The following MAF variants were observed in gnomAD, a reference collection of about 807,000 sequenced individuals.
MAF encodes the protein transcription factor Maf.
MAF carries 10 observed loss-of-function variants against 22.0 expected under a neutral mutation model. That is an observed-to-expected ratio of 0.45 (90% CI 0.28 to 0.77). The LOEUF (loss-of-function observed/expected upper bound fraction) is 0.77. Among genes scored for constraint, MAF ranks in the 30% least tolerant of loss-of-function variants. The pLI is 0.12. For synonymous variants in MAF, 337 were observed against 255.8 expected, an observed-to-expected ratio of 1.32 and a Z score of -3.03; for missense variants, 544 against 548.4, an observed-to-expected ratio of 0.99 and a Z score of 0.08.
At chr16:79,499,653 G>C in the MAF span, among the ~76,000 whole-genome samples, 1 of 152,186 alleles carries the variant, frequency 6.6e-6, no homozygotes, top group African/African-American at 2.4e-5. Context: ...GACACAGGTA[G>C]AAGGCACCAT....
At chr16:79,371,169 G>C in the MAF span, among the ~76,000 whole-genome samples, 1 of 152,162 alleles carries the variant, frequency 6.6e-6, no homozygotes, top group African/African-American at 2.4e-5. Context: ...TGCCTGGAGG[G>C]CTGGGCCCTG....
At chr16:79,396,211 G>C in the MAF span, among the ~76,000 whole-genome samples, 1 of 152,166 alleles carries the variant, frequency 6.6e-6, no homozygotes, top group South Asian at 2.1e-4. Flanking sequence ...GGTGCCAGGA[G>C]GCCACACTAC....
At chr16:79,567,121 C>G in the MAF span, among the ~76,000 whole-genome samples, 3 of 152,170 alleles carry the variant, frequency 2.0e-5, no homozygotes, top group Admixed American at 6.5e-5. Context: ...AGTTCGAGAC[C>G]AGCCTGGCCA....
At chr16:79,545,351 GC>G in the MAF span, among the ~76,000 whole-genome samples, 3 of 152,050 alleles carry the variant, frequency 2.0e-5, no homozygotes, top group Non-Finnish European at 2.9e-5. Context: ...AACTGAGGGG[GC>G]CCATGCAAAA....
At chr16:79,375,583 T>C in the MAF span, among the ~76,000 whole-genome samples, 1 of 152,058 alleles carries the variant, frequency 6.6e-6, no homozygotes, top group Non-Finnish European at 1.5e-5. Context: ...ATGATGATGA[T>C]ATATTAATGA....
At chr16:79,499,121 T>C in the MAF span, among the ~76,000 whole-genome samples, 1 of 152,194 alleles carries the variant, frequency 6.6e-6, no homozygotes, top group South Asian at 2.1e-4. Flanking sequence ...CAACTTGCAA[T>C]CTCCATTGTA....
At chr16:79,492,466 T>A in the MAF span, among the ~76,000 whole-genome samples, 2 of 138,880 alleles carry the variant, frequency 1.4e-5, no homozygotes, top group African/African-American at 5.0e-5. Flanking sequence ...AGCCCATTTG[T>A]TCTATATATA....
the MAF span, among the ~76,000 whole-genome samples, chr16:79,443,500 C>A: frequency 1.3e-5 from 2 of 152,096 alleles, no homozygotes; most frequent in African/African-American, 2.4e-5. Flanking sequence ...GGATAAGGAA[C>A]TTCTTACATT....
the MAF span, among the ~76,000 whole-genome samples, chr16:79,305,797 G>A: frequency 1.3e-5 from 2 of 152,156 alleles, no homozygotes; most frequent in East Asian, 3.8e-4. Flanking sequence ...TGGAAAAGGA[G>A]GCTTACGAAA....
the MAF span, among the ~76,000 whole-genome samples, chr16:79,485,806 C>A: frequency 6.6e-6 from 1 of 152,104 alleles, no homozygotes; most frequent in Non-Finnish European, 1.5e-5. Flanking sequence ...TCTTGCCAAA[C>A]AGAAGTAAGC....
At chr16:79,365,629 A>C in the MAF span, among the ~76,000 whole-genome samples, 1 of 152,076 alleles carries the variant, frequency 6.6e-6, no homozygotes, top group Non-Finnish European at 1.5e-5. Flanking sequence ...ACCTGGTCTC[A>C]ACAGGGCTCA....
the MAF span, among the ~76,000 whole-genome samples, chr16:79,577,318 C>T: frequency 2.9e-4 from 44 of 152,202 alleles, no homozygotes; most frequent in African/African-American, 7.9e-4. Flanking sequence ...AGGTGAAAAA[C>T]GGGCTGCTTA....
chr16:79,473,590 G>C, the MAF span, among the ~76,000 whole-genome samples: 15 of 152,274 alleles, frequency 9.9e-5, no homozygotes, highest in East Asian at 2.9e-3. Context: ...CACGATTCAG[G>C]GCATGCAGAC....
chr16:79,309,871 C>A, the MAF span, among the ~76,000 whole-genome samples: 1 of 152,118 alleles, frequency 6.6e-6, no homozygotes, highest in African/African-American at 2.4e-5. Context: ...CCAGCTCTTG[C>A]AAAATGGAAA....
the MAF span, among the ~76,000 whole-genome samples, chr16:79,531,636 G>A: frequency 3.3e-5 from 5 of 152,172 alleles, no homozygotes; most frequent in Admixed American, 2.6e-4. Context: ...TGCATACGCA[G>A]TTCACAGTAG....
At chr16:79,380,373 G>A in the MAF span, among the ~76,000 whole-genome samples, 1 of 152,196 alleles carries the variant, frequency 6.6e-6, no homozygotes, top group Non-Finnish European at 1.5e-5. Flanking sequence ...ATTAACAATA[G>A]TAGTAGCATG....
At chr16:79,360,599 A>G in the MAF span, among the ~76,000 whole-genome samples, 2 of 152,204 alleles carry the variant, frequency 1.3e-5, no homozygotes, top group African/African-American at 4.8e-5. Context: ...TTCAACAGCA[A>G]TTAACCAATT....
the MAF span, among the ~76,000 whole-genome samples, chr16:79,482,910 T>C: frequency 1.2e-5 from 1 of 80,340 alleles, no homozygotes; most frequent in Non-Finnish European, 2.4e-5. Context: ...CCCTACCTCC[T>C]TCCTTCCCTC....
At chr16:79,322,793 G>A in the MAF span, among the ~76,000 whole-genome samples, 1 of 151,978 alleles carries the variant, frequency 6.6e-6, no homozygotes, top group Non-Finnish European at 1.5e-5. Flanking sequence ...GAGTAGGAAT[G>A]TCACCCTGTA....
Sources: gnomAD v4.1 joint callset for allele counts (sites outside exome capture counted in the v4.1 genomes callset) on GRCh38, gnomAD v4.1.1 for gene constraint, MANE v1.5 for transcripts, NCBI Gene and HGNC (gene_info 2026-07-23, HGNC 2026-07-21) for gene names.